The following ZNF599 variants were observed in gnomAD, a reference collection of about 807,000 sequenced individuals.
ZNF599 encodes the protein zinc finger protein 599.
In ZNF599, 10 loss-of-function variants were observed where a neutral mutation model predicts 11.7. The observed-to-expected ratio is 0.86, with a 90% CI of 0.53 to 1.45. The LOEUF is 1.45. Among genes scored for constraint, ZNF599 ranks in the 40% most tolerant of loss-of-function variants. The pLI, the probability that ZNF599 is intolerant of heterozygous loss-of-function variation, is 0.00. For missense variants in ZNF599, 688 were observed against 713.6 expected, an observed-to-expected ratio of 0.96 and a Z score of 0.41; for synonymous variants, 232 against 253.2, an observed-to-expected ratio of 0.92 and a Z score of 0.79.
the ZNF599 span, among the ~76,000 whole-genome samples, chr19:34,779,230 C>T: frequency 6.8e-6 from 1 of 147,834 alleles, no homozygotes; most frequent in African/African-American, 2.5e-5. Flanking sequence ...CAGGTATGTG[C>T]CACCATGCCC....
chr19:34,769,335 G>A, intron 2 of ZNF599, 94 bp downstream of exon 2: 2 of 1,571,728 alleles, frequency 1.3e-6, no homozygotes, highest in Non-Finnish European at 1.7e-6. Context: ...ATCAGGGAAG[G>A]TTGGGTTCTG....
the ZNF599 span, among the ~76,000 whole-genome samples, chr19:34,783,687 C>A: frequency 6.6e-6 from 1 of 152,080 alleles, no homozygotes; most frequent in African/African-American, 2.4e-5. Context: ...AAAAAACATC[C>A]CCTTGTGATC....
the ZNF599 span, among the ~76,000 whole-genome samples, chr19:34,804,945 A>G: frequency 2.0e-5 from 3 of 152,176 alleles, no homozygotes; most frequent in African/African-American, 7.2e-5. Flanking sequence ...TATTGCACAA[A>G]ACCCTCTTCA....
chr19:34,791,414 A>G, the ZNF599 span, among the ~76,000 whole-genome samples: 1 of 152,192 alleles, frequency 6.6e-6, no homozygotes, highest in Non-Finnish European at 1.5e-5. Context: ...ACCTGTGTGG[A>G]CCTGTGTGGA....
At position 34,758,247 on chromosome 19, in the gene ZNF599, T is replaced by C. The variant is rs2069083999; in HGVS notation, c.*787A>G. ...ACAGAAGCTAACGCTGTATTTCCCC[T>C]AGCAACAATCATTCAGCATTCACTA... On this transcript the variant is annotated 3_prime_UTR_variant, in exon 4 of 4. Transcript: ENST00000329285. The C allele has an allele frequency of 6.6e-6, 1 of 152,198 alleles. No individual in the cohort carries two copies. The highest frequency in any genetic ancestry group is 2.4e-5 in the African/African-American group (1 of 41,446). 9.4% of individuals were successfully genotyped at this position (152,198 alleles called of 1,614,324 possible). A position where few individuals can be genotyped will look rare whatever the true frequency, so the allele number is the denominator to read the frequency against.
At chr19:34,772,254 T>C in intron 1 of ZNF599, 1 of 919,114 alleles carries the variant, frequency 1.1e-6, no homozygotes. Context: ...TCATTTGTAA[T>C]AAACAGACGG....
intron 3 of ZNF599, chr19:34,764,682 T>G (rs2069131488): frequency 6.6e-6 from 1 of 152,220 alleles, no homozygotes; most frequent in Non-Finnish European, 1.5e-5. Context: ...TCTATTTATA[T>G]GCCTTCAAAA....
At chr19:34,781,016 C>T in the ZNF599 span, among the ~76,000 whole-genome samples, 9 of 151,888 alleles carry the variant, frequency 5.9e-5, no homozygotes, top group East Asian at 2.0e-4. Context: ...ATTAGCCGGG[C>T]GCGGTGGCGG....
At chr19:34,778,511 GGTTTAGAGACATTTT>G in the ZNF599 span, among the ~76,000 whole-genome samples, 1 of 152,086 alleles carries the variant, frequency 6.6e-6, no homozygotes, top group Non-Finnish European at 1.5e-5. Flanking sequence ...GATGTCTCCA[GGTTTAGAGACATTTT>G]GTTGCATGAC....
At chr19:34,803,311 A>G in the ZNF599 span, among the ~76,000 whole-genome samples, 1 of 152,150 alleles carries the variant, frequency 6.6e-6, no homozygotes, top group Non-Finnish European at 1.5e-5. Flanking sequence ...GGGAAAAGGA[A>G]AGGCAGAATC....
chr19:34,792,805 G>A, the ZNF599 span, among the ~76,000 whole-genome samples: 6 of 151,974 alleles, frequency 3.9e-5, no homozygotes, highest in African/African-American at 7.3e-5. Context: ...GGAGCTTACC[G>A]TGAGCGGAGA....
At chr19:34,785,751 G>A in the ZNF599 span, among the ~76,000 whole-genome samples, 1 of 152,254 alleles carries the variant, frequency 6.6e-6, no homozygotes, top group South Asian at 2.1e-4. Flanking sequence ...CAGGTCTGAT[G>A]GGCTCAACCT....
the ZNF599 span, among the ~76,000 whole-genome samples, chr19:34,791,344 T>A: frequency 1.3e-5 from 2 of 152,236 alleles, no homozygotes; most frequent in Admixed American, 6.5e-5. Context: ...TTGAGCCACA[T>A]GTTGACAATA....
At chr19:34,761,915 T>C (rs1204062995) in intron 3 of ZNF599, among the ~76,000 whole-genome samples, 9 of 152,140 alleles carry the variant, frequency 5.9e-5, no homozygotes, top group African/African-American at 1.9e-4. Context: ...AGTAGTCAAT[T>C]TGACTAGAGT....
the ZNF599 span, among the ~76,000 whole-genome samples, chr19:34,780,890 T>C: frequency 1.9e-3 from 286 of 151,722 alleles, no homozygotes; most frequent in African/African-American, 6.5e-3. Context: ...GGTGCGGTGG[T>C]TCATGCCTGT....
the ZNF599 span, among the ~76,000 whole-genome samples, chr19:34,795,809 G>T: frequency 6.6e-6 from 1 of 150,456 alleles, no homozygotes; most frequent in Admixed American, 6.6e-5. Context: ...ACTTATCTGT[G>T]CATTTTCTTT....
At chr19:34,802,051 T>C in the ZNF599 span, among the ~76,000 whole-genome samples, 2 of 152,214 alleles carry the variant, frequency 1.3e-5, no homozygotes, top group African/African-American at 4.8e-5. Context: ...CAGAAAATCT[T>C]GGCTGAGAAG....
the ZNF599 span, among the ~76,000 whole-genome samples, chr19:34,804,932 C>A: frequency 6.6e-6 from 1 of 152,264 alleles, no homozygotes; most frequent in East Asian, 1.9e-4. Context: ...ATAGTGTTAT[C>A]GGTATTGCAC....
At chr19:34,794,630 G>C in the ZNF599 span, among the ~76,000 whole-genome samples, 1 of 151,406 alleles carries the variant, frequency 6.6e-6, no homozygotes, top group East Asian at 1.9e-4. Flanking sequence ...GAATGCAGTG[G>C]TGCAATCTTG....
Sources: allele counts gnomAD v4.1 joint callset (sites outside exome capture counted in the v4.1 genomes callset), GRCh38; gene constraint gnomAD v4.1.1; transcripts MANE v1.5; gene names NCBI Gene and HGNC (gene_info 2026-07-23, HGNC 2026-07-21).